NRG3: variants seen among roughly 807,000 people sequenced by gnomAD.
NRG3 encodes neuregulin 3.
Under a neutral mutation model 66.9 loss-of-function variants are expected in NRG3, and 31 were observed. The ratio of observed to expected loss-of-function variants is 0.46; its 90% CI spans 0.35 to 0.63. The LOEUF is 0.63. NRG3 is among the 20% of genes least tolerant of loss of function. The pLI is 0.00. For synonymous variants in NRG3, 393 were observed against 359.4 expected, an observed-to-expected ratio of 1.09 and a Z score of -1.06; for missense variants, 910 against 878.9, an observed-to-expected ratio of 1.04 and a Z score of -0.45.
intron 1 of NRG3, among the ~76,000 whole-genome samples, chr10:81,899,628 C>T (rs995254773): frequency 6.6e-6 from 1 of 152,178 alleles, no homozygotes; most frequent in Non-Finnish European, 1.5e-5. Context: ...CCTGTACTTA[C>T]TCTCTTTCAA....
chr10:82,399,420 A>G (rs755682319), intron 2 of NRG3, among the ~76,000 whole-genome samples: 4 of 152,200 alleles, frequency 2.6e-5, no homozygotes, highest in African/African-American at 9.6e-5. Flanking sequence ...AGGAGTATCA[A>G]TAGGCAAGTG....
At chr10:82,091,667 A>G (rs749580351) in intron 1 of NRG3, among the ~76,000 whole-genome samples, 21 of 152,152 alleles carry the variant, frequency 1.4e-4, no homozygotes, top group Non-Finnish European at 8.8e-5. Flanking sequence ...TTTTGTGTGT[A>G]TATGCCAAAA....
At chr10:81,984,875 A>G (rs2060464294) in intron 1 of NRG3, among the ~76,000 whole-genome samples, 1 of 152,252 alleles carries the variant, frequency 6.6e-6, no homozygotes, top group South Asian at 2.1e-4. Flanking sequence ...AACATTATAA[A>G]ATATGTGCTA....
At chr10:82,877,797 C>T (rs1308119243) in intron 4 of NRG3, among the ~76,000 whole-genome samples, 1 of 152,068 alleles carries the variant, frequency 6.6e-6, no homozygotes, top group Non-Finnish European at 1.5e-5. Flanking sequence ...CAAACATATA[C>T]AGGATATTAA....
At chr10:82,932,214 G>C (rs1024697902) in intron 4 of NRG3, among the ~76,000 whole-genome samples, 1 of 152,048 alleles carries the variant, frequency 6.6e-6, no homozygotes, top group Non-Finnish European at 1.5e-5. Context: ...TTAGGATTCC[G>C]TAGGACAGCC....
chr10:82,802,600 A>G (rs929861697), intron 3 of NRG3, among the ~76,000 whole-genome samples: 1 of 152,180 alleles, frequency 6.6e-6, no homozygotes, highest in Non-Finnish European at 1.5e-5. Context: ...GGGTTAATGT[A>G]GAAGAACAGG....
intron 3 of NRG3, among the ~76,000 whole-genome samples, chr10:82,762,363 A>C (rs1572043): frequency 0.032 from 4,817 of 152,262 alleles, 271 homozygotes; most frequent in African/African-American, 0.11. Context: ...TAAATTTTTC[A>C]AACGCTAATT....
intron 3 of NRG3, among the ~76,000 whole-genome samples, chr10:82,791,631 T>C (rs557041704): frequency 5.3e-5 from 8 of 152,198 alleles, no homozygotes; most frequent in African/African-American, 1.9e-4. Context: ...ACAACTCTGT[T>C]CATGCGTATA....
At chr10:82,305,514 A>C (rs2134861914) in intron 1 of NRG3, among the ~76,000 whole-genome samples, 1 of 152,194 alleles carries the variant, frequency 6.6e-6, no homozygotes, top group Non-Finnish European at 1.5e-5. Context: ...AGTGATGGAG[A>C]GGTTTCCTTT....
At chr10:82,004,923 G>C (rs1413866837) in intron 1 of NRG3, among the ~76,000 whole-genome samples, 1 of 152,198 alleles carries the variant, frequency 6.6e-6, no homozygotes, top group East Asian at 1.9e-4. Context: ...AATTGCAGTT[G>C]TTTAAGCCAC....
chr10:82,348,890 A>T (rs1221826698), intron 1 of NRG3, among the ~76,000 whole-genome samples: 1 of 147,066 alleles, frequency 6.8e-6, no homozygotes, highest in Non-Finnish European at 1.5e-5. Context: ...TTCTTCACGT[A>T]GTTCTCGAGC....
chr10:82,657,089 A>G (rs2051929904), intron 2 of NRG3, among the ~76,000 whole-genome samples: 6 of 152,160 alleles, frequency 3.9e-5, no homozygotes, highest in Admixed American at 3.9e-4. Context: ...AAAACTAACC[A>G]AGACCAACCT....
At position 82,358,905 on chromosome 10, in the gene NRG3, C is replaced by T. The variant is rs757495719; in HGVS notation, c.953+37C>T. On this transcript the variant is annotated intron_variant, in intron 2 of 8. Transcript: ENST00000372141. ...AGGCCACTGATGGAAAGGGCAGGCC[C>T]GTTGCAAGGCGTGGGGGTGGAGGGT... The T allele has an allele frequency of 1.3e-5, 21 of 1,613,122 alleles. No homozygotes were observed. The Admixed American group carries it at 2.2e-4, about 17-fold the overall frequency.
intron 1 of NRG3, among the ~76,000 whole-genome samples, chr10:82,329,101 A>G (rs1185125269): frequency 6.6e-6 from 1 of 152,226 alleles, no homozygotes; most frequent in Non-Finnish European, 1.5e-5. Flanking sequence ...AGTCCCAGAG[A>G]CAGCTCTTCC....
At chr10:81,934,730 C>A (rs1289292100) in intron 1 of NRG3, among the ~76,000 whole-genome samples, 1 of 152,066 alleles carries the variant, frequency 6.6e-6, no homozygotes, top group Non-Finnish European at 1.5e-5. Flanking sequence ...TTTTAGATCA[C>A]CTATTACTTT....
At chr10:82,789,283 A>T (rs960017174) in intron 3 of NRG3, among the ~76,000 whole-genome samples, 4 of 152,124 alleles carry the variant, frequency 2.6e-5, no homozygotes, top group African/African-American at 7.2e-5. Flanking sequence ...TGACCATTTT[A>T]AAATCTTCTA....
chr10:82,799,510 G>A (rs1452277659), intron 3 of NRG3, among the ~76,000 whole-genome samples: 2 of 137,860 alleles, frequency 1.5e-5, no homozygotes, highest in East Asian at 4.1e-4. Context: ...TGGGTGACAA[G>A]AGCGAAATTC....
chr10:82,518,662 A>G (rs1293692868), intron 2 of NRG3, among the ~76,000 whole-genome samples: 3 of 152,170 alleles, frequency 2.0e-5, no homozygotes, highest in African/African-American at 7.2e-5. Context: ...CATAACTCAT[A>G]TTAACACTGG....
At position 82,095,697 on chromosome 10, in the gene NRG3, A is replaced by G. The variant is rs528250307; in HGVS notation, c.823+219534A>G. On this transcript the variant is annotated intron_variant, in intron 1 of 8. Coordinates refer to ENST00000372141, the MANE Select transcript of NRG3 (RefSeq NM_001010848.4). Reference sequence around the variant, plus strand: ...GGAACCAGAGGCTAATTCTCTGTCAATGCATCAGGTTCTCCAGGGCTAACA... The same window carrying G: ...GGAACCAGAGGCTAATTCTCTGTCAGTGCATCAGGTTCTCCAGGGCTAACA... Among the ~76,000 whole-genome samples, 275 of 152,344 alleles carry G rather than the reference A, an allele frequency of 1.8e-3. 1 individual carries two copies. The highest frequency in any genetic ancestry group is 1.8e-3 in the Non-Finnish European group (123 of 68,030).
Sources: allele counts gnomAD v4.1 joint callset (sites outside exome capture counted in the v4.1 genomes callset), GRCh38; gene constraint gnomAD v4.1.1; transcripts MANE v1.5; gene names NCBI Gene and HGNC (gene_info 2026-07-23, HGNC 2026-07-21).